RBFOX1: variants seen among roughly 807,000 people sequenced by gnomAD.
RBFOX1 encodes the protein RNA binding fox-1 homolog 1.
A neutral mutation model predicts 57.7 loss-of-function variants in RBFOX1; 8 were observed. The observed-to-expected ratio is 0.14, with a 90% CI of 0.08 to 0.25. The LOEUF (loss-of-function observed/expected upper bound fraction) is 0.25, where lower values mean the gene tolerates loss of function less well. RBFOX1 is among the 10% of genes least tolerant of loss of function. The pLI is 1.00. For synonymous variants in RBFOX1, 326 were observed against 222.4 expected, an observed-to-expected ratio of 1.47 and a Z score of -4.15; for missense variants, 611 against 548.5, an observed-to-expected ratio of 1.11 and a Z score of -1.14.
chr16:6,992,005 T>G (rs1261420866), intron 3 of RBFOX1, among the ~76,000 whole-genome samples: 1 of 152,138 alleles, frequency 6.6e-6, no homozygotes, highest in Non-Finnish European at 1.5e-5. Flanking sequence ...GCTGGTGCTA[T>G]GAAAACTACA....
chr16:7,376,162 G>A (rs888587138), intron 4 of RBFOX1, among the ~76,000 whole-genome samples: 3 of 152,140 alleles, frequency 2.0e-5, no homozygotes, highest in Non-Finnish European at 2.9e-5. Context: ...TTGCATTTTT[G>A]GAACATATAT....
At chr16:6,955,679 AGG>A (rs1491215688) in intron 3 of RBFOX1, among the ~76,000 whole-genome samples, 5 of 105,504 alleles carry the variant, frequency 4.7e-5, no homozygotes, top group African/African-American at 1.6e-4. Context: ...TTATTTATTT[AGG>A]TATGTATGTA....
chr16:5,958,872 G>C (rs565887862), intron 4 of RBFOX1, among the ~76,000 whole-genome samples: 6 of 152,152 alleles, frequency 3.9e-5, no homozygotes, highest in African/African-American at 1.4e-4. Context: ...ACCTCCTCTG[G>C]GGACCCTTGA....
At chr16:6,389,115 C>T (rs755142824) in intron 2 of RBFOX1, among the ~76,000 whole-genome samples, 2 of 152,220 alleles carry the variant, frequency 1.3e-5, no homozygotes, top group Non-Finnish European at 2.9e-5. Context: ...AAAGTTCACA[C>T]TGTGGCAGGG....
intron 3 of RBFOX1, among the ~76,000 whole-genome samples, chr16:6,803,187 G>C (rs983236924): frequency 4.6e-5 from 7 of 151,988 alleles, no homozygotes; most frequent in Non-Finnish European, 1.0e-4. Context: ...GACACCAAAT[G>C]ATTGAAAATA....
intron 4 of RBFOX1, among the ~76,000 whole-genome samples, chr16:7,240,351 T>C (rs1405993124): frequency 6.6e-6 from 1 of 152,160 alleles, no homozygotes; most frequent in Non-Finnish European, 1.5e-5. Flanking sequence ...TTACATATAT[T>C]AATGATCTTC....
intron 1 of RBFOX1, among the ~76,000 whole-genome samples, chr16:5,286,006 G>C (rs534607105): frequency 1.3e-5 from 2 of 152,096 alleles, no homozygotes; most frequent in African/African-American, 4.8e-5. Context: ...TCCTCACCTC[G>C]TGATCTGCCC....
chr16:6,801,538 C>G (rs143418898), intron 3 of RBFOX1, among the ~76,000 whole-genome samples: 1 of 151,900 alleles, frequency 6.6e-6, no homozygotes, highest in African/African-American at 2.4e-5. Flanking sequence ...AAGTCAGGGC[C>G]CTTGAAATTT....
chr16:5,906,154 C>T (rs1223013172), intron 4 of RBFOX1, among the ~76,000 whole-genome samples: 1 of 152,104 alleles, frequency 6.6e-6, no homozygotes, highest in East Asian at 1.9e-4. Flanking sequence ...AGTCATGCCT[C>T]CCCCAGACTG....
intron 1 of RBFOX1, among the ~76,000 whole-genome samples, chr16:6,263,498 A>C (rs1412713138): frequency 2.0e-5 from 3 of 152,156 alleles, no homozygotes; most frequent in African/African-American, 7.2e-5. Flanking sequence ...TGCAGCCTCC[A>C]TTTATGAAAC....
At chr16:6,414,103 A>G (rs2093553564) in intron 2 of RBFOX1, among the ~76,000 whole-genome samples, 1 of 152,180 alleles carries the variant, frequency 6.6e-6, no homozygotes, top group Admixed American at 6.5e-5. Flanking sequence ...GGCTGGAGGA[A>G]GATGCCTCCC....
At chr16:7,058,578 G>C (rs1029339449) in intron 4 of RBFOX1, among the ~76,000 whole-genome samples, 1 of 152,126 alleles carries the variant, frequency 6.6e-6, no homozygotes, top group African/African-American at 2.4e-5. Flanking sequence ...AAGTTTGTGT[G>C]TGTGTGTGTG....
chr16:5,949,943 A>G (rs917361502), intron 4 of RBFOX1, among the ~76,000 whole-genome samples: 1 of 152,158 alleles, frequency 6.6e-6, no homozygotes, highest in African/African-American at 2.4e-5. Flanking sequence ...GGCCCCCCAG[A>G]TGAGATTCAG....
chr16:5,716,393 C>G (rs920657052), intron 3 of RBFOX1, among the ~76,000 whole-genome samples: 1 of 152,186 alleles, frequency 6.6e-6, no homozygotes, highest in Non-Finnish European at 1.5e-5. Context: ...TCCTCTCCCT[C>G]CTCTCACCTT....
At chr16:6,353,651 C>G (rs565981813) in intron 2 of RBFOX1, among the ~76,000 whole-genome samples, 1 of 152,102 alleles carries the variant, frequency 6.6e-6, no homozygotes, top group Admixed American at 6.5e-5. Context: ...GGGCTTGTAT[C>G]TAAGGACCCT....
intron 1 of RBFOX1, among the ~76,000 whole-genome samples, chr16:6,111,725 T>G (rs941902356): frequency 2.2e-4 from 33 of 152,182 alleles, no homozygotes; most frequent in Admixed American, 2.2e-3. Context: ...TGATTTGGAA[T>G]GAGAAGAAAC....
chr16:6,061,254 A>G (rs929489431), intron 1 of RBFOX1, among the ~76,000 whole-genome samples: 2 of 152,178 alleles, frequency 1.3e-5, no homozygotes, highest in African/African-American at 4.8e-5. Flanking sequence ...GTAGTGTGCG[A>G]AGTTACCAAA....
intron 2 of RBFOX1, among the ~76,000 whole-genome samples, chr16:6,535,173 T>C (rs1423738788): frequency 6.6e-6 from 1 of 152,186 alleles, no homozygotes; most frequent in Non-Finnish European, 1.5e-5. Context: ...ACTTTTTCTG[T>C]GTGAGCACTC....
chr16:5,599,419 T>G (rs1169735948), exon 3 of RBFOX1: 1 of 569,398 alleles, frequency 1.8e-6, no homozygotes, highest in Non-Finnish European at 3.1e-6. Flanking sequence ...CTGGGGTACA[T>G]AACCTGGGAT....
Sources: gnomAD v4.1 joint callset for allele counts (sites outside exome capture counted in the v4.1 genomes callset) on GRCh38, gnomAD v4.1.1 for gene constraint, MANE v1.5 for transcripts, NCBI Gene and HGNC (gene_info 2026-07-23, HGNC 2026-07-21) for gene names.